Variants in ATAD2B observed in about 807,000 individuals in gnomAD.
ATAD2B encodes ATPase family AAA domain-containing protein 2B.
ATAD2B carries 40 observed loss-of-function variants against 167.6 expected under a neutral mutation model. The observed-to-expected ratio is 0.24, with a 90% CI of 0.19 to 0.31. ATAD2B has a LOEUF of 0.31. ATAD2B is among the 10% of genes least tolerant of loss of function. The pLI is 1.00. For synonymous variants in ATAD2B, 579 were observed against 596.5 expected (o/e 0.97, Z 0.43); for missense variants, 1,242 against 1,757.2 (o/e 0.71, Z 5.24).
chr2:23,867,323 C>T (rs1229945047), intron 10 of ATAD2B, among the ~76,000 whole-genome samples: 2 of 152,236 alleles, frequency 1.3e-5, no homozygotes, highest in African/African-American at 4.8e-5. Flanking sequence ...TTCTCTTGTT[C>T]CCCAAAAGCA....
the ATAD2B span, among the ~76,000 whole-genome samples, chr2:23,720,578 CAA>C: frequency 1.6e-5 from 2 of 126,742 alleles, no homozygotes; most frequent in African/African-American, 3.0e-5. Context: ...GACTCCGTCT[CAA>C]AAAAAAAAAA....
intron 12 of ATAD2B, among the ~76,000 whole-genome samples, chr2:23,858,039 G>A (rs953318112): frequency 5.1e-4 from 75 of 148,220 alleles, no homozygotes; most frequent in African/African-American, 1.8e-3. Flanking sequence ...CACCACACCC[G>A]GCCACCAAAG....
chr2:23,893,945 T>C (rs969025984), intron 2 of ATAD2B, among the ~76,000 whole-genome samples: 20 of 152,172 alleles, frequency 1.3e-4, no homozygotes, highest in African/African-American at 4.8e-4. Flanking sequence ...ATTACAGGCA[T>C]GAGCCACATG....
At chr2:23,774,307 AGGCATGGTT>A (rs1446702085) in intron 22 of ATAD2B, among the ~76,000 whole-genome samples, 1 of 152,064 alleles carries the variant, frequency 6.6e-6, no homozygotes, top group Non-Finnish European at 1.5e-5. Flanking sequence ...AAAATTAACC[AGGCATGGTT>A]GTAAGTCCTG....
the ATAD2B span, chr2:23,703,267 C>G: frequency 6.5e-7 from 1 of 1,548,144 alleles, no homozygotes; most frequent in South Asian, 1.2e-5. Context: ...CAGTGTGTGG[C>G]GGCAAGATCT....
intron 25 of ATAD2B, among the ~76,000 whole-genome samples, chr2:23,755,576 G>A (rs368314505): frequency 2.0e-5 from 3 of 152,152 alleles, no homozygotes; most frequent in Non-Finnish European, 2.9e-5. Flanking sequence ...AGACAAACTT[G>A]GACTGTTTCA....
intron 20 of ATAD2B, among the ~76,000 whole-genome samples, chr2:23,787,042 G>A (rs1680930163): frequency 2.1e-5 from 3 of 143,608 alleles, no homozygotes; most frequent in Admixed American, 1.4e-4. Context: ...TGCAGGAAGG[G>A]AGGGAAAAAA....
chr2:23,910,858 ACT>A (rs1702191750), intron 1 of ATAD2B, among the ~76,000 whole-genome samples: 1 of 151,064 alleles, frequency 6.6e-6, no homozygotes, highest in Admixed American at 6.6e-5. Context: ...ACAGAGCAAG[ACT>A]CTGTCTCAAA....
the ATAD2B span, among the ~76,000 whole-genome samples, chr2:23,680,838 C>T: frequency 1.3e-5 from 2 of 151,948 alleles, no homozygotes; most frequent in Non-Finnish European, 1.5e-5. This position sits in a 1 kb window ranked among gnomAD's most constrained non-coding sequence, Gnocchi z 4.1. Flanking sequence ...CATCTTCTCC[C>T]GCAGAATCCT....
At chr2:23,709,793 A>T in the ATAD2B span, among the ~76,000 whole-genome samples, 1 of 152,232 alleles carries the variant, frequency 6.6e-6, no homozygotes, top group African/African-American at 2.4e-5. Context: ...GAATGTCTAG[A>T]GGATGCCAAT....
intron 4 of ATAD2B, among the ~76,000 whole-genome samples, chr2:23,886,698 G>C (rs1464305836): frequency 6.0e-5 from 9 of 150,876 alleles, no homozygotes; most frequent in Non-Finnish European, 1.2e-4. Context: ...TTGGGAGGCA[G>C]AGGCAGGCGG....
chr2:23,850,160 G>GAAAA (rs1692345187), intron 13 of ATAD2B, among the ~76,000 whole-genome samples: 1 of 145,576 alleles, frequency 6.9e-6, no homozygotes, highest in African/African-American at 2.5e-5. Context: ...AAAAAAAAAT[G>GAAAA]ACTTTAAGAG....
chr2:23,855,851 T>C (rs1440516612), intron 13 of ATAD2B, among the ~76,000 whole-genome samples: 17 of 152,056 alleles, frequency 1.1e-4, no homozygotes, highest in Admixed American at 4.6e-4. Context: ...ATCACACCAT[T>C]GCACTCCAGC....
intron 27 of ATAD2B, among the ~76,000 whole-genome samples, 188 bp downstream of exon 27, chr2:23,753,991 C>T (rs1310314522): frequency 1.3e-5 from 2 of 152,152 alleles, no homozygotes; most frequent in African/African-American, 4.8e-5. Flanking sequence ...TTTCCAGAGA[C>T]AAAATGGTAC....
intron 13 of ATAD2B, among the ~76,000 whole-genome samples, chr2:23,850,400 T>C (rs1325475062): frequency 1.3e-5 from 2 of 152,174 alleles, no homozygotes; most frequent in Non-Finnish European, 2.9e-5. Context: ...GAGGGAAATT[T>C]ACAGGTGTCA....
chr2:23,686,750 C>T, the ATAD2B span, among the ~76,000 whole-genome samples: 1 of 152,038 alleles, frequency 6.6e-6, no homozygotes, highest in African/African-American at 2.4e-5. Flanking sequence ...CAGCCAGGTG[C>T]ATGGAACTGA....
chr2:23,714,895 CAGA>C, the ATAD2B span, among the ~76,000 whole-genome samples: 1 of 151,806 alleles, frequency 6.6e-6, no homozygotes, highest in Admixed American at 6.6e-5. Context: ...TATATGGTAG[CAGA>C]AGGAATAAGA....
chr2:23,766,210 G>C (rs1439411499), intron 22 of ATAD2B, among the ~76,000 whole-genome samples: 2 of 152,012 alleles, frequency 1.3e-5, no homozygotes, highest in Non-Finnish European at 2.9e-5. Flanking sequence ...CATGGTTCCA[G>C]GTAAACTATG....
At chr2:23,736,454 G>C in the ATAD2B span, among the ~76,000 whole-genome samples, 1 of 152,152 alleles carries the variant, frequency 6.6e-6, no homozygotes, top group Non-Finnish European at 1.5e-5. Context: ...GGAGGAAAAA[G>C]AGACTATGCA....
Sources: gnomAD v4.1 joint callset for allele counts (sites outside exome capture counted in the v4.1 genomes callset) on GRCh38, gnomAD v4.1.1 for gene constraint, Gnocchi (gnomAD v3.1) non-coding constraint, MANE v1.5 for transcripts, NCBI Gene and HGNC (gene_info 2026-07-23, HGNC 2026-07-21) for gene names.